The following KLHL8 variants were observed in gnomAD, a reference collection of about 807,000 sequenced individuals.
KLHL8 encodes kelch like family member 8.
A neutral mutation model predicts 63.5 loss-of-function variants in KLHL8; 38 were observed. That is an observed-to-expected ratio of 0.60 (90% CI 0.46 to 0.78). The LOEUF (loss-of-function observed/expected upper bound fraction) is 0.78, where lower values mean the gene tolerates loss of function less well. Ranked by LOEUF, KLHL8 falls within the 30% of genes least tolerant of loss-of-function variation. The pLI, the probability that KLHL8 is intolerant of heterozygous loss-of-function variation, is 0.00. For missense variants in KLHL8, 566 were observed against 752.4 expected (o/e 0.75, Z 2.90); for synonymous variants, 224 against 254.3 (o/e 0.88, Z 1.13).
intron 1 of KLHL8, among the ~76,000 whole-genome samples, chr4:87,230,942 C>T (rs758493114): frequency 8.5e-5 from 13 of 152,292 alleles, no homozygotes; most frequent in African/African-American, 1.9e-4. Context: ...TTCCTGACAT[C>T]GGGGCTGTGT....
intron 1 of KLHL8, among the ~76,000 whole-genome samples, chr4:87,203,986 A>C (rs1418082832): frequency 7.9e-5 from 12 of 152,204 alleles, no homozygotes; most frequent in Non-Finnish European, 1.8e-4. Flanking sequence ...GACTTAAGAC[A>C]CTTCACCAGT....
chr4:87,220,216 C>T, intron 1 of KLHL8: 1 of 152,618 alleles, frequency 6.6e-6, no homozygotes, highest in Non-Finnish European at 1.5e-5. Context: ...GCTGTCCGGG[C>T]CCCAAGCCCT....
chr4:87,231,209 G>A (rs1733130830), intron 1 of KLHL8, among the ~76,000 whole-genome samples: 1 of 152,178 alleles, frequency 6.6e-6, no homozygotes, highest in South Asian at 2.1e-4. Flanking sequence ...TTTCCCAGGG[G>A]AGTGAGCCTG....
chr4:87,176,407 G>C (rs1016539054), intron 6 of KLHL8, among the ~76,000 whole-genome samples: 2 of 152,122 alleles, frequency 1.3e-5, no homozygotes, highest in African/African-American at 2.4e-5. Context: ...CCATAGAGGG[G>C]ACAAAATCAT....
At chr4:87,168,076 A>G (rs1163155657) in intron 8 of KLHL8, among the ~76,000 whole-genome samples, 1 of 152,136 alleles carries the variant, frequency 6.6e-6, no homozygotes, top group Non-Finnish European at 1.5e-5. Context: ...TAAAGGGGGA[A>G]GATATATACC....
intron 1 of KLHL8, among the ~76,000 whole-genome samples, chr4:87,199,337 A>G (rs575368929): frequency 4.6e-5 from 7 of 152,308 alleles, no homozygotes; most frequent in African/African-American, 1.4e-4. Flanking sequence ...CTAACTCAAA[A>G]TGAATTAAAG....
chr4:87,167,548 T>C, intron 8 of KLHL8: 1 of 539,112 alleles, frequency 1.9e-6, no homozygotes, highest in Non-Finnish European at 3.7e-6. Flanking sequence ...AATGGCCTTG[T>C]CTTTCTGCTC....
At chr4:87,165,519 A>G (rs936131672) in intron 8 of KLHL8, among the ~76,000 whole-genome samples, 1 of 151,570 alleles carries the variant, frequency 6.6e-6, no homozygotes, top group African/African-American at 2.4e-5. Context: ...TCAGCCTCCT[A>G]AGTAGCTGGA....
At chr4:87,175,416 T>G (rs1275730271) in intron 6 of KLHL8, among the ~76,000 whole-genome samples, 1 of 152,158 alleles carries the variant, frequency 6.6e-6, no homozygotes, top group Non-Finnish European at 1.5e-5. Context: ...CAGGTACTTT[T>G]CTCCATATGA....
chr4:87,198,193 A>G (rs1731776404), intron 1 of KLHL8, among the ~76,000 whole-genome samples: 1 of 151,994 alleles, frequency 6.6e-6, no homozygotes, highest in Non-Finnish European at 1.5e-5. Flanking sequence ...GGTGGCATGC[A>G]CCTGTAACTC....
intron 1 of KLHL8, among the ~76,000 whole-genome samples, chr4:87,205,999 C>T (rs1202983907): frequency 6.6e-6 from 1 of 152,176 alleles, no homozygotes; most frequent in Non-Finnish European, 1.5e-5. Flanking sequence ...TCTTCTCCCT[C>T]ACTATACTTT....
chr4:87,163,371 A>G lies in KLHL8; in HGVS notation c.*148T>C, dbSNP rs1391443613. The G allele has an allele frequency of 1.4e-6, 1 of 700,292 alleles. No homozygotes were observed. Among genetic ancestry groups the G allele is most frequent in the Non-Finnish European group, 2.2e-6 (1 of 446,040 alleles). The allele number at this position is 700,292 out of a possible 1,614,324, so 43.4% of individuals were successfully genotyped here. ...CTAATAATTCTTCAGGTATCATTCCAAAAGTTGTACTTAGTCACAATACAA... is the reference window on the plus strand; with the variant it reads ...CTAATAATTCTTCAGGTATCATTCCGAAAGTTGTACTTAGTCACAATACAA... On this transcript the variant is annotated 3_prime_UTR_variant, in exon 10 of 10. Coordinates refer to ENST00000273963, the MANE Select transcript of KLHL8 (RefSeq NM_020803.5).
At chr4:87,201,012 A>G (rs1578389115) in intron 1 of KLHL8, among the ~76,000 whole-genome samples, 1 of 152,236 alleles carries the variant, frequency 6.6e-6, no homozygotes, top group African/African-American at 2.4e-5. Flanking sequence ...TCTTAAGGAC[A>G]TTATACAAAG....
chr4:87,231,546 A>T (rs1733138126), intron 1 of KLHL8, among the ~76,000 whole-genome samples: 1 of 152,136 alleles, frequency 6.6e-6, no homozygotes, highest in East Asian at 1.9e-4. Context: ...CACCTGTGGC[A>T]GGCATGTACA....
chr4:87,166,144 AC>A (rs1217951287), intron 8 of KLHL8, among the ~76,000 whole-genome samples: 2 of 152,234 alleles, frequency 1.3e-5, no homozygotes, highest in Non-Finnish European at 2.9e-5. Context: ...ATGCATGTGA[AC>A]ATGAGTAAAT....
Position 87,162,426 on chromosome 4 carries a change from C to T in KLHL8, c.*1093G>A, listed in dbSNP as rs1221838413. 1.3e-5 allele frequency: 2 copies of T among 152,048 alleles called. No homozygotes were observed. Among genetic ancestry groups the T allele is most frequent in the African/African-American group, 2.4e-5 (1 of 41,390 alleles). The allele number at this position is 152,048 out of a possible 1,614,324, so 9.4% of individuals were successfully genotyped here. A position where few individuals can be genotyped will look rare whatever the true frequency, so the allele number is the denominator to read the frequency against. Reference sequence around the variant, plus strand: ...CAGAGGGATTTAAATATGATAAAAACAGTAATTTCAATCTCTGTTTTTACC... The same window carrying T: ...CAGAGGGATTTAAATATGATAAAAATAGTAATTTCAATCTCTGTTTTTACC... On this transcript the variant is annotated 3_prime_UTR_variant, in exon 10 of 10. Coordinates refer to ENST00000273963, the MANE Select transcript of KLHL8 (RefSeq NM_020803.5).
upstream of KLHL8, among the ~76,000 whole-genome samples, chr4:87,221,870 TAG>T (rs1732866268): frequency 6.6e-6 from 1 of 151,982 alleles, no homozygotes; most frequent in African/African-American, 2.4e-5. Context: ...TTTAGAAAAA[TAG>T]AGTAAGATGA....
chr4:87,171,750 A>G (rs917231214), intron 6 of KLHL8, among the ~76,000 whole-genome samples: 6 of 152,180 alleles, frequency 3.9e-5, no homozygotes, highest in African/African-American at 1.4e-4. Flanking sequence ...GTCCACTCCT[A>G]CGTCTCTGGC....
At chr4:87,171,584 C>T (rs981029216) in intron 6 of KLHL8, among the ~76,000 whole-genome samples, 3 of 152,146 alleles carry the variant, frequency 2.0e-5, no homozygotes, top group Non-Finnish European at 2.9e-5. Context: ...AGAACAAGTA[C>T]ATGTGTTCTC....
Sources: allele counts gnomAD v4.1 joint callset (sites outside exome capture counted in the v4.1 genomes callset), GRCh38; gene constraint gnomAD v4.1.1; transcripts MANE v1.5; gene names NCBI Gene and HGNC (gene_info 2026-07-23, HGNC 2026-07-21).